HHAT: variants seen among roughly 807,000 people sequenced by gnomAD.
HHAT encodes the protein protein-cysteine N-palmitoyltransferase HHAT.
A neutral mutation model predicts 70.8 loss-of-function variants in HHAT; 47 were observed. The observed-to-expected ratio is 0.66, with a 90% CI of 0.53 to 0.85. HHAT has a LOEUF of 0.85. HHAT is among the 40% of genes least tolerant of loss of function. The pLI is 0.00. For missense variants in HHAT, 609 were observed against 604.8 expected (o/e 1.01, Z -0.07); for synonymous variants, 228 against 247.6 (o/e 0.92, Z 0.74).
chr1:210,612,236 T>TTCGTATTG (rs1666743446), intron 10 of HHAT, among the ~76,000 whole-genome samples: 1 of 152,164 alleles, frequency 6.6e-6, no homozygotes, highest in African/African-American at 2.4e-5. Flanking sequence ...ATTAAAAACA[T>TTCGTATTG]TCGTATTGTT....
At chr1:210,338,498 CAATAAT>C (rs1248086759) in intron 1 of HHAT, among the ~76,000 whole-genome samples, 4 of 152,250 alleles carry the variant, frequency 2.6e-5, no homozygotes, top group South Asian at 2.1e-4. Context: ...TAAGCATACT[CAATAAT>C]AGTAATAGCA....
chr1:210,361,267 G>A (rs1558352516), intron 2 of HHAT, among the ~76,000 whole-genome samples: 1 of 152,182 alleles, frequency 6.6e-6, no homozygotes, highest in Non-Finnish European at 1.5e-5. Context: ...TCATTTGTTT[G>A]CCAATTGTTC....
At chr1:210,623,776 A>G (rs911834762) in intron 11 of HHAT, 106 bp downstream of exon 11, 23 of 1,205,858 alleles carry the variant, frequency 1.9e-5, no homozygotes, top group Middle Eastern at 2.0e-4. Flanking sequence ...ATTCATTGTT[A>G]TGTTCATGGC....
intron 9 of HHAT, among the ~76,000 whole-genome samples, chr1:210,576,312 G>C (rs1657725795): frequency 6.6e-6 from 1 of 151,986 alleles, no homozygotes; most frequent in Admixed American, 6.6e-5. Flanking sequence ...CACAAAAACT[G>C]CACATATTAA....
chr1:210,509,305 A>T (rs899141529), intron 8 of HHAT, among the ~76,000 whole-genome samples: 2 of 152,218 alleles, frequency 1.3e-5, no homozygotes, highest in Non-Finnish European at 2.9e-5. Flanking sequence ...TGAGTGTCTC[A>T]TTGGTGCTCA....
chr1:210,675,484 T>C lies in HHAT; in HGVS notation c.*1105T>C, dbSNP rs1339071359. On this transcript the variant is annotated 3_prime_UTR_variant, in exon 12 of 12. Transcript: ENST00000261458. ...ATTTGGATTTTTTTTTTTTTTGGAG[T>C]GGGGAAGGGTATAAAGGAGGCTTAA... 6.8e-6 allele frequency: 1 copy of C among 146,400 alleles called. No individual in the cohort carries two copies. The highest frequency in any genetic ancestry group is 2.5e-5 in the African/African-American group (1 of 39,488). The allele number at this position is 146,400 out of a possible 1,614,324, so 9.1% of individuals were successfully genotyped here.
intron 10 of HHAT, among the ~76,000 whole-genome samples, chr1:210,593,417 G>A (rs1662204058): frequency 6.6e-6 from 1 of 152,120 alleles, no homozygotes; most frequent in African/African-American, 2.4e-5. Context: ...AATTTCTTAA[G>A]TTCTTCATTG....
At chr1:210,571,018 T>G (rs192596166) in intron 9 of HHAT, among the ~76,000 whole-genome samples, 88 of 152,296 alleles carry the variant, frequency 5.8e-4, no homozygotes, top group Non-Finnish European at 6.3e-4. Context: ...GGAATGCTCT[T>G]GAAGGAGGCT....
At chr1:210,557,631 C>T (rs539969703) in intron 9 of HHAT, among the ~76,000 whole-genome samples, 8 of 152,182 alleles carry the variant, frequency 5.3e-5, no homozygotes, top group South Asian at 2.1e-4. Flanking sequence ...TCTTACATGA[C>T]GGCAGCAAGA....
At chr1:210,591,499 A>G (rs956386327) in intron 10 of HHAT, among the ~76,000 whole-genome samples, 2 of 152,166 alleles carry the variant, frequency 1.3e-5, no homozygotes, top group African/African-American at 4.8e-5. Flanking sequence ...ATAGTACTAC[A>G]GTAAACATGG....
intron 7 of HHAT, among the ~76,000 whole-genome samples, chr1:210,423,059 A>G (rs1321367818): frequency 6.6e-6 from 1 of 152,166 alleles, no homozygotes; most frequent in Non-Finnish European, 1.5e-5. Context: ...GAATATAATG[A>G]TCTCCTTTTC....
intron 9 of HHAT, among the ~76,000 whole-genome samples, chr1:210,573,894 A>G (rs745629450): frequency 6.6e-6 from 1 of 152,214 alleles, no homozygotes. Flanking sequence ...AGTCAAAAGA[A>G]GAGGCAAAAG....
intron 8 of HHAT, among the ~76,000 whole-genome samples, chr1:210,492,054 C>T (rs1044351229): frequency 2.0e-5 from 3 of 152,158 alleles, no homozygotes; most frequent in Non-Finnish European, 4.4e-5. Flanking sequence ...TGAGCCACTG[C>T]ACCTGGCCCT....
Position 210,540,490 on chromosome 1 carries a change from C to T in HHAT, c.1043+27302C>T, listed in dbSNP as rs2357919. On this transcript the variant is annotated intron_variant, in intron 9 of 11. Transcript: ENST00000261458. The stretch of plus-strand genomic sequence containing the variant: ...ACACACGCACACACATGCACACACA[C>T]GCACACACACATGCACACACACACA... Among the ~76,000 whole-genome samples, 979 of 99,370 alleles carry T rather than the reference C, an allele frequency of 9.9e-3. 11 individuals are homozygous for T. The highest frequency in any genetic ancestry group is 0.026 in the African/African-American group (920 of 35,908). The allele number at this position is 99,370 out of a possible 152,430, so 65.2% of individuals were successfully genotyped here.
At chr1:210,539,944 C>A (rs2095411795) in intron 9 of HHAT, among the ~76,000 whole-genome samples, 3 of 152,220 alleles carry the variant, frequency 2.0e-5, no homozygotes, top group African/African-American at 7.2e-5. Flanking sequence ...TGCCACCTGG[C>A]AGCCTTTAAT....
chr1:210,551,850 A>T (rs1433183944), intron 9 of HHAT, among the ~76,000 whole-genome samples: 1 of 152,206 alleles, frequency 6.6e-6, no homozygotes, highest in Non-Finnish European at 1.5e-5. Context: ...GTGATGTTGA[A>T]GTCTTGGAAA....
At chr1:210,390,926 A>G (rs1233800901) in intron 4 of HHAT, among the ~76,000 whole-genome samples, 1 of 152,250 alleles carries the variant, frequency 6.6e-6, no homozygotes, top group East Asian at 1.9e-4. Flanking sequence ...TTGGTTTCAT[A>G]TCTTTGCAAT....
chr1:210,344,731 C>T (rs2086357404), intron 1 of HHAT, among the ~76,000 whole-genome samples: 1 of 152,150 alleles, frequency 6.6e-6, no homozygotes, highest in Admixed American at 6.5e-5. Flanking sequence ...CTCCTTCAGC[C>T]TGAAGTCGAG....
chr1:210,446,244 C>G (rs984294013), intron 7 of HHAT, among the ~76,000 whole-genome samples: 4 of 152,132 alleles, frequency 2.6e-5, no homozygotes, highest in Non-Finnish European at 4.4e-5. Context: ...GTCAGATTGC[C>G]TGAGTATTGA....
Sources: gnomAD v4.1 joint callset for allele counts (sites outside exome capture counted in the v4.1 genomes callset) on GRCh38, gnomAD v4.1.1 for gene constraint, MANE v1.5 for transcripts, NCBI Gene and HGNC (gene_info 2026-07-23, HGNC 2026-07-21) for gene names.